The following MUC5AC variants were observed in gnomAD, a reference collection of about 807,000 sequenced individuals.
The protein encoded by MUC5AC is mucin 5AC, oligomeric mucus/gel-forming, also known as mucin-5AC.
In MUC5AC, 158 loss-of-function variants were observed where a neutral mutation model predicts 169.7. That is an observed-to-expected ratio of 0.93 (90% CI 0.82 to 1.06). The LOEUF (loss-of-function observed/expected upper bound fraction) is 1.06, where lower values mean the gene tolerates loss of function less well. MUC5AC is among the 50% of genes least tolerant of loss of function. The pLI is 0.00. For missense variants in MUC5AC, 4,359 were observed against 3,089.9 expected, an observed-to-expected ratio of 1.41 and a Z score of -9.74; for synonymous variants, 1,975 against 1,237.0, an observed-to-expected ratio of 1.60 and a Z score of -12.52.
chr11:1,199,023 C>T (rs1861356160), intron 44 of MUC5AC, 27 bp downstream of exon 44: 1 of 763,184 alleles, frequency 1.3e-6, no homozygotes, highest in African/African-American at 1.7e-5. Context: ...TGCCCCGACC[C>T]TGCCCTGGCT....
At chr11:1,177,948 C>T (rs974097398) in intron 24 of MUC5AC, among the ~76,000 whole-genome samples, 1 of 152,188 alleles carries the variant, frequency 6.6e-6, no homozygotes, top group Non-Finnish European at 1.5e-5. Flanking sequence ...TCCTTTTGGC[C>T]CCTTGCATCT....
rs772746123 is a variant in MUC5AC at position 1,165,280 on chromosome 11, T to C, written c.1130-22T>C. 5.6e-6 allele frequency: 9 copies of C among 1,602,804 alleles called. No homozygotes were observed. In the East Asian group the frequency reaches 9.0e-5, roughly 16 times the overall value. The stretch of plus-strand genomic sequence containing the variant: ...GCGTGGACACAGCAGGCGCCCGTCA[T>C]AGGCCTGCCTGACCCCTGCAGGGAC... On this transcript the variant is annotated intron_variant, in intron 9 of 48. Transcript: ENST00000621226.
Position 1,187,880 on chromosome 11 carries a change from C to A in MUC5AC, c.9735C>A (p.Asp3245Glu), listed in dbSNP as rs1860993072. 7.9e-6 allele frequency: 6 copies of A among 761,564 alleles called. No individual in the cohort carries two copies. The highest frequency in any genetic ancestry group is 1.4e-5 in the Non-Finnish European group (6 of 415,540). 47.2% of individuals were successfully genotyped at this position (761,564 alleles called of 1,614,324 possible). A position where few individuals can be genotyped will look rare whatever the true frequency, so the allele number is the denominator to read the frequency against. ...CATCCCCTGGACCCCACGGCGGGGA[C>A]AAGGAAACCTACAACAACATCATCA... ...DFPSPGPHGG[D>E]KETYNNIIRS... is the part of the protein sequence containing the mutation. Residue 3245 changes from aspartate (D) to glutamate (E), a missense_variant, in exon 31 of 49, where the codon GAC becomes GAA. Coordinates refer to ENST00000621226, the MANE Select transcript of MUC5AC (RefSeq NM_001304359.2).
At chr11:1,165,027 C>T (rs372770415) in intron 9 of MUC5AC, among the ~76,000 whole-genome samples, 190 of 140,952 alleles carry the variant, frequency 1.3e-3, no homozygotes, top group African/African-American at 4.4e-3. Context: ...CTGTCCTGGG[C>T]CCCCTGAGGC....
In MUC5AC at chr11:1,162,533, G is replaced by C. The variant is rs910378049; in HGVS notation, c.475G>C (p.Val159Leu). ...CCTCAGCCCTGCCTTCCTCCACAGG[G>C]TCCTGCTGCCCTTCAGCCAGTCTGG... ...KGSVLVNGHP[V>L]LLPFSQSGVL... The change falls in exon 5 of 49, where the codon GTC (valine) becomes CTC (leucine). Residue 159 changes from valine (V) to leucine (L), a missense_variant and splice_region_variant. Transcript: ENST00000621226. 6 of 1,612,276 alleles carry C rather than the reference G, an allele frequency of 3.7e-6. No individual in the cohort carries two copies. The highest frequency in any genetic ancestry group is 5.1e-6 in the Non-Finnish European group (6 of 1,179,634).
intron 48 of MUC5AC, 57 bp downstream of exon 48, chr11:1,200,026 C>T: frequency 1.5e-6 from 1 of 680,408 alleles, no homozygotes; most frequent in East Asian, 2.6e-5. Flanking sequence ...GCAGTCAGGG[C>T]CCCCAGGGCT....
At chr11:1,158,171 C>A in intron 1 of MUC5AC, 99 bp downstream of exon 1, 1 of 1,112,974 alleles carries the variant, frequency 9.0e-7, no homozygotes, top group Non-Finnish European at 1.3e-6. Context: ...GGGCAGGCTG[C>A]ATGTGCCATG....
At position 1,183,603 on chromosome 11, in the gene MUC5AC, C is replaced by T. The variant is rs1350352436; in HGVS notation, c.5458C>T (p.Arg1820Trp). ...QCSREEGLVC[R>W]NQDQQGPFKM... Reference sequence around the variant, plus strand: ...CAGCCGGGAAGAGGGCCTGGTGTGCCGGAACCAGGACCAGCAGGGACCCTT... The same window carrying T: ...CAGCCGGGAAGAGGGCCTGGTGTGCTGGAACCAGGACCAGCAGGGACCCTT... The change falls in exon 31 of 49, where the codon CGG (arginine) becomes TGG (tryptophan). Residue 1820 changes from arginine (R) to tryptophan (W), a missense_variant. Coordinates refer to ENST00000621226, the MANE Select transcript of MUC5AC (RefSeq NM_001304359.2). 2.5e-4 allele frequency: 160 copies of T among 642,260 alleles called. 3 individuals are homozygous for T. The South Asian group carries it at 2.6e-3, about 11-fold the overall frequency. The allele number at this position is 642,260 out of a possible 1,614,324, so 39.8% of individuals were successfully genotyped here.
At chr11:1,164,377 A>T (rs1860240491) in intron 8 of MUC5AC, 30 bp from the exon 9 acceptor site, 2 of 1,611,970 alleles carry the variant, frequency 1.2e-6, no homozygotes, top group Admixed American at 1.7e-5. Flanking sequence ...AGGGGCAGGC[A>T]GACGTGAGCC....
rs1264212665 is a variant in MUC5AC, at chr11:1,189,439, C to T, written c.11294C>T (p.Thr3765Met). 1.1e-4 allele frequency: 63 copies of T among 570,226 alleles called. 1 individual carries two copies. The highest frequency in any genetic ancestry group is 8.1e-4 in the East Asian group (29 of 35,880). 35.3% of individuals were successfully genotyped at this position (570,226 alleles called of 1,614,324 possible). A position where few individuals can be genotyped will look rare whatever the true frequency, so the allele number is the denominator to read the frequency against. The change falls in exon 31 of 49, where the codon ACG becomes ATG. Residue 3765 changes from threonine (T) to methionine (M), a missense_variant. Physicochemically the swap from Thr to Met is moderately conservative, Grantham distance 81 (BLOSUM62 -1). Transcript: ENST00000621226. ...ACAGCCAGCACAACGTCAGCTCCTA[C>T]GAGCACTTCCTCGGCTCCTACAACC... ...APTASTTSAP[T>M]STSSAPTTNT...
In MUC5AC at chr11:1,187,420, C is replaced by G; in HGVS notation, c.9275C>G (p.Thr3092Arg). Residue 3092 changes from threonine (T) to arginine (R), a missense_variant, in exon 31 of 49, where the codon ACA (threonine) becomes AGA (arginine). By Grantham distance (71) the Thr-to-Arg change is moderately conservative (BLOSUM62 -1). Transcript: ENST00000621226. Reference protein sequence around the residue: ...TSTTSAATTSTISAPTTSTTS... With the variant: ...TSTTSAATTSRISAPTTSTTS... ...ACAACCTCTGCCGCTACAACCAGCA[C>G]AATCTCGGCCCCAACAACCAGCACA... The G allele has an allele frequency of 1.4e-6, 1 of 732,382 alleles. No individual in the cohort carries two copies. The highest frequency in any genetic ancestry group is 2.5e-6 in the Non-Finnish European group (1 of 401,548). 45.4% of individuals were successfully genotyped at this position (732,382 alleles called of 1,614,324 possible).
rs368476630 is a variant in MUC5AC at position 1,195,991 on chromosome 11, G to A, written c.15574G>A (p.Ala5192Thr). Residue 5192 changes from alanine (A) to threonine (T), a missense_variant, in exon 37 of 49, where the codon GCG becomes ACG. By Grantham distance (58) the Ala-to-Thr change is moderately conservative (BLOSUM62 0). Transcript: ENST00000621226. Reference sequence around the variant, plus strand: ...GGTGTGCTCCAGCCTGGAGCTGTACGCGGCACTCTGTGCGTCCCACGACAT... The same window carrying A: ...GGTGTGCTCCAGCCTGGAGCTGTACACGGCACTCTGTGCGTCCCACGACAT... ...DVVCSSLELY[A>T]ALCASHDICI... is the part of the protein sequence containing the mutation. 1.0e-5 allele frequency: 8 copies of A among 764,842 alleles called. No homozygotes were observed. The highest frequency in any genetic ancestry group is 5.1e-5 in the African/African-American group (3 of 59,138). The allele number at this position is 764,842 out of a possible 1,614,324, so 47.4% of individuals were successfully genotyped here. A position where few individuals can be genotyped will look rare whatever the true frequency, so the allele number is the denominator to read the frequency against.
chr11:1,172,761 C>CTCACTCACCCGTTCACCCAT (rs1590139762), intron 16 of MUC5AC, among the ~76,000 whole-genome samples: 1 of 151,668 alleles, frequency 6.6e-6, no homozygotes, highest in East Asian at 1.9e-4. Flanking sequence ...CATTCACCTA[C>CTCACTCACCCGTTCACCCAT]TCACTCACCC....
chr11:1,184,507 C>A lies in MUC5AC; in HGVS notation c.6362C>A (p.Thr2121Asn), dbSNP rs1860884301. 4.6e-6 allele frequency: 3 copies of A among 651,246 alleles called. No homozygotes were observed. The highest frequency in any genetic ancestry group is 8.3e-6 in the Non-Finnish European group (3 of 359,878). 40.3% of individuals were successfully genotyped at this position (651,246 alleles called of 1,614,324 possible). Residue 2121 changes from threonine to asparagine, a missense_variant, in exon 31 of 49, where the codon ACC (threonine) becomes AAC (asparagine). Thr to Asn is a moderately conservative substitution (Grantham distance 65). Coordinates refer to ENST00000621226, the MANE Select transcript of MUC5AC (RefSeq NM_001304359.2). ...ACCAGAAACTGTCATCCCCGGTGCA[C>A]CTGGACAACGTGGTTCGACGTGGAC... ...PVTRNCHPRCTWTTWFDVDFP... is the reference protein window; with the variant it reads ...PVTRNCHPRCNWTTWFDVDFP...
rs1198701615 is a variant in MUC5AC at position 1,174,666 on chromosome 11, C to T, written c.2092+44C>T. ...CAGCCCCTTTCCCTCGCTGGGTGGC[C>T]GCGGGTCTTGGGGTGCCCCCAGTGT... On this transcript the variant is annotated intron_variant, in intron 17 of 48. Coordinates refer to ENST00000621226, the MANE Select transcript of MUC5AC (RefSeq NM_001304359.2). 25 of 788,156 alleles carry T rather than the reference C, an allele frequency of 3.2e-5. 1 individual carries two copies. Among genetic ancestry groups the T allele is most frequent in the African/African-American group, 2.6e-4 (15 of 57,678 alleles). 48.8% of individuals were successfully genotyped at this position (788,156 alleles called of 1,614,324 possible).
chr11:1,187,438 C>A lies in MUC5AC; in HGVS notation c.9293C>A (p.Thr3098Asn). ...ATTSTISAPT[T>N]STTSAPTTST... is the part of the protein sequence containing the mutation. ...ACCAGCACAATCTCGGCCCCAACAACCAGCACAACGTCTGCTCCTACAACC... is the reference window on the plus strand; with the variant it reads ...ACCAGCACAATCTCGGCCCCAACAAACAGCACAACGTCTGCTCCTACAACC... The change falls in exon 31 of 49, where the codon ACC becomes AAC. Residue 3098 changes from threonine (T) to asparagine (N), a missense_variant. Transcript: ENST00000621226. 2 of 729,842 alleles carry A rather than the reference C, an allele frequency of 2.7e-6. No homozygotes were observed. Among genetic ancestry groups the A allele is most frequent in the Non-Finnish European group, 5.0e-6 (2 of 400,264 alleles). 45.2% of individuals were successfully genotyped at this position (729,842 alleles called of 1,614,324 possible). A position where few individuals can be genotyped will look rare whatever the true frequency, so the allele number is the denominator to read the frequency against.
chr11:1,193,742 G>T (rs894546236), intron 33 of MUC5AC, 83 bp downstream of exon 33: 2 of 715,948 alleles, frequency 2.8e-6, no homozygotes, highest in Non-Finnish European at 2.6e-6. Context: ...CAGAGGAGGG[G>T]GCTTGGCTGA....
chr11:1,173,337 C>CCACT (rs1361395623), intron 16 of MUC5AC, among the ~76,000 whole-genome samples: 25,491 of 144,048 alleles, frequency 0.18, 2,398 homozygotes, highest in Non-Finnish European at 0.2. Context: ...ACTCACTCAT[C>CCACT]CACTCACCCA....
At chr11:1,161,848 G>A (rs1032155662) in intron 3 of MUC5AC, 59 bp from the exon 4 acceptor site, 36 of 1,560,748 alleles carry the variant, frequency 2.3e-5, no homozygotes, top group African/African-American at 1.1e-4. Context: ...GGCAGAGGCA[G>A]GGGGTGCAGG....
Sources: allele counts gnomAD v4.1 joint callset (sites outside exome capture counted in the v4.1 genomes callset), GRCh38; gene constraint gnomAD v4.1.1; transcripts MANE v1.5; gene names NCBI Gene and HGNC (gene_info 2026-07-23, HGNC 2026-07-21).